MBNL1: variants seen among roughly 807,000 people sequenced by gnomAD.
MBNL1 encodes the protein muscleblind like splicing regulator 1, also known as muscleblind-like protein 1.
A neutral mutation model predicts 42.2 loss-of-function variants in MBNL1; 8 were observed. The observed-to-expected ratio is 0.19, with a 90% confidence interval of 0.11 to 0.34. The LOEUF is 0.34. Ranked by LOEUF, MBNL1 falls within the 10% of genes least tolerant of loss-of-function variation. The probability of loss-of-function intolerance (pLI) is 1.00; values close to 1 mark genes in which losing one functional copy is unlikely to be tolerated. For synonymous variants in MBNL1, 169 were observed against 173.9 expected (o/e 0.97, Z 0.22); for missense variants, 309 against 495.3 (o/e 0.62, Z 3.57).
chr3:152,336,858 A>G lies in MBNL1; in HGVS notation c.174+36491A>G, dbSNP rs561659178. ...CTGTTACTATTTTAGTTACCTTAGAACTAAATACCTTGGAATAGAAGAAAT... is the reference window on the plus strand; with the variant it reads ...CTGTTACTATTTTAGTTACCTTAGAGCTAAATACCTTGGAATAGAAGAAAT... On this transcript the variant is annotated intron_variant, in intron 2 of 9. Coordinates refer to ENST00000324210, the MANE Select transcript of MBNL1 (RefSeq NM_021038.5). 6.6e-5 allele frequency among the ~76,000 whole-genome samples: 10 copies of G among 152,332 alleles called. No homozygotes were observed. In the South Asian group the frequency reaches 2.1e-3, roughly 32 times the overall value.
chr3:152,445,639 A>T, intron 5 of MBNL1, 100 bp downstream of exon 5: 5 of 1,326,774 alleles, frequency 3.8e-6, no homozygotes, highest in Non-Finnish European at 5.1e-6. Flanking sequence ...CTTTTTAAAA[A>T]AATTGCTGAA....
At chr3:152,316,460 T>C (rs971307636) in intron 2 of MBNL1, among the ~76,000 whole-genome samples, 1 of 152,174 alleles carries the variant, frequency 6.6e-6, no homozygotes, top group Non-Finnish European at 1.5e-5. Context: ...GCCCACTGTG[T>C]GCAAATAGCT....
intron 1 of MBNL1, among the ~76,000 whole-genome samples, chr3:152,290,967 G>A (rs2055589100): frequency 2.6e-5 from 4 of 152,088 alleles, no homozygotes; most frequent in African/African-American, 9.7e-5. Flanking sequence ...TAGCTCTTGA[G>A]CACATAACAG....
At chr3:152,265,552 T>C (rs1490449507), upstream of MBNL1, 2 of 152,140 alleles carry the variant, frequency 1.3e-5, no homozygotes, top group African/African-American at 2.4e-5. Context: ...ATATCCCCAT[T>C]GGACTGAAAA....
At chr3:152,332,698 GT>G (rs2085692303) in intron 2 of MBNL1, among the ~76,000 whole-genome samples, 1 of 88,454 alleles carries the variant, frequency 1.1e-5, no homozygotes, top group Non-Finnish European at 2.4e-5. Context: ...GGTTTTGTGT[GT>G]GTGTGTGTGT....
intron 2 of MBNL1, among the ~76,000 whole-genome samples, chr3:152,324,821 C>T (rs1160260916): frequency 1.3e-5 from 2 of 151,910 alleles, no homozygotes; most frequent in Admixed American, 6.6e-5. Context: ...ATAGCACGTA[C>T]CTTGGGATTG....
intron 2 of MBNL1, among the ~76,000 whole-genome samples, chr3:152,374,612 T>C (rs2096821181): frequency 1.3e-5 from 2 of 152,232 alleles, no homozygotes; most frequent in South Asian, 4.1e-4. Context: ...ATGGGCAGCA[T>C]ACGAATACCA....
intron 1 of MBNL1, among the ~76,000 whole-genome samples, chr3:152,272,537 AAT>A (rs2042497225): frequency 6.6e-6 from 1 of 152,108 alleles, no homozygotes; most frequent in Non-Finnish European, 1.5e-5. Context: ...TCAAATACTT[AAT>A]ATGTGTTTTC....
chr3:152,285,629 A>ATT (rs35445762), intron 1 of MBNL1, among the ~76,000 whole-genome samples: 3,051 of 128,954 alleles, frequency 0.024, 103 homozygotes, highest in African/African-American at 0.055. Flanking sequence ...TTTTTTTTCA[A>ATT]TTTTTTTTTT....
intron 1 of MBNL1, among the ~76,000 whole-genome samples, chr3:152,292,424 TC>T (rs1041113135): frequency 3.9e-5 from 6 of 152,242 alleles, no homozygotes; most frequent in African/African-American, 1.4e-4. Flanking sequence ...TCATTATCCT[TC>T]CTACAGTAGA....
rs1479201717 is a variant in MBNL1, at chr3:152,281,083, T to G, written c.-790+11991T>G. Among the ~76,000 whole-genome samples the G allele has an allele frequency of 2.6e-5, 4 of 152,292 alleles. No individual in the cohort carries two copies. In the South Asian group the frequency reaches 6.2e-4, roughly 24 times the overall value. On this transcript the variant is annotated intron_variant, in intron 1 of 9. Transcript: ENST00000324210. ...GAGCTTTAGCCATTCTAGTAATTATTAAAATAGCTACTTTCTTCGTAGGAA... is the reference window on the plus strand; with the variant it reads ...GAGCTTTAGCCATTCTAGTAATTATGAAAATAGCTACTTTCTTCGTAGGAA...
chr3:152,332,739 T>TGCGC (rs1229920740), intron 2 of MBNL1, among the ~76,000 whole-genome samples: 6,418 of 115,444 alleles, frequency 0.056, 210 homozygotes, highest in Admixed American at 0.066. Flanking sequence ...TGTGTGTGTG[T>TGCGC]GCGCGCGCGC....
At chr3:152,378,498 G>A (rs1173189443) in intron 2 of MBNL1, among the ~76,000 whole-genome samples, 1 of 151,912 alleles carries the variant, frequency 6.6e-6, no homozygotes, top group Non-Finnish European at 1.5e-5. Context: ...ATTTAGGTAG[G>A]TAATAGTATA....
At chr3:152,361,775 T>C (rs375870074) in intron 2 of MBNL1, among the ~76,000 whole-genome samples, 4 of 152,192 alleles carry the variant, frequency 2.6e-5, no homozygotes, top group African/African-American at 9.6e-5. Flanking sequence ...GTAGATTAAA[T>C]CTTGCTTTAA....
intron 3 of MBNL1, among the ~76,000 whole-genome samples, chr3:152,420,263 C>T (rs928622784): frequency 2.0e-5 from 3 of 152,212 alleles, no homozygotes; most frequent in African/African-American, 7.2e-5. Context: ...CGCTTGAACT[C>T]TGCTAAGGGA....
chr3:152,388,979 A>T (rs2097560084), intron 2 of MBNL1, among the ~76,000 whole-genome samples: 1 of 152,240 alleles, frequency 6.6e-6, no homozygotes, highest in Non-Finnish European at 1.5e-5. Context: ...TTAATAATAA[A>T]CCTTTTCTGG....
chr3:152,359,592 A>G (rs2095793306), intron 2 of MBNL1, among the ~76,000 whole-genome samples: 1 of 152,232 alleles, frequency 6.6e-6, no homozygotes. Context: ...ATTGCCAGCC[A>G]GTGTAAGCTG....
intron 2 of MBNL1, among the ~76,000 whole-genome samples, chr3:152,377,499 G>T (rs1257904016): frequency 6.6e-6 from 1 of 152,056 alleles, no homozygotes; most frequent in East Asian, 1.9e-4. Flanking sequence ...ACAATAAAAG[G>T]CCTATTGAAT....
rs561956935 is a variant in MBNL1 at position 152,316,027 on chromosome 3, C to T, written c.174+15660C>T. ...AAAGTACTCCTTATCAGTTATTTCT[C>T]GTCACATTGTGGCCCCAAGGGTTTG... On this transcript the variant is annotated intron_variant, in intron 2 of 9. Coordinates refer to ENST00000324210, the MANE Select transcript of MBNL1 (RefSeq NM_021038.5). 6.6e-5 allele frequency among the ~76,000 whole-genome samples: 10 copies of T among 152,266 alleles called. No homozygotes were observed. In the South Asian group the frequency reaches 1.2e-3, roughly 19 times the overall value.
Sources: gnomAD v4.1 joint callset for allele counts (sites outside exome capture counted in the v4.1 genomes callset) on GRCh38, gnomAD v4.1.1 for gene constraint, MANE v1.5 for transcripts, NCBI Gene and HGNC (gene_info 2026-07-23, HGNC 2026-07-21) for gene names.